PKHD1: variants seen among roughly 807,000 people sequenced by gnomAD.
PKHD1 encodes fibrocystin.
In PKHD1, 291 loss-of-function variants were observed where a neutral mutation model predicts 412.0. The observed-to-expected ratio is 0.71, with a 90% CI of 0.64 to 0.78. PKHD1 has a LOEUF of 0.78. PKHD1 is among the 30% of genes least tolerant of loss of function. PKHD1 has a pLI of 0.00. For missense variants in PKHD1, 4,825 were observed against 4,950.7 expected (o/e 0.97, Z 0.76); for synonymous variants, 1,777 against 1,821.5 (o/e 0.98, Z 0.62).
chr6:51,897,088 T>C (rs1009951499), intron 43 of PKHD1, among the ~76,000 whole-genome samples: 2 of 151,952 alleles, frequency 1.3e-5, no homozygotes, highest in Non-Finnish European at 2.9e-5. Context: ...GAAAACACTC[T>C]GCAGGATATT....
At chr6:51,888,306 A>C (rs922698291) in intron 43 of PKHD1, among the ~76,000 whole-genome samples, 2 of 152,192 alleles carry the variant, frequency 1.3e-5, no homozygotes, top group Admixed American at 6.5e-5. Context: ...GGACCATATG[A>C]GTTTGGGGAT....
At chr6:52,065,162 T>C (rs190167278) in intron 12 of PKHD1, 112 bp from the exon 13 acceptor site, 1 of 65,564 alleles carries the variant, frequency 1.5e-5, no homozygotes. Flanking sequence ...TATATATATA[T>C]ATATATAGAG....
chr6:51,665,696 T>C (rs1264694701), intron 60 of PKHD1, among the ~76,000 whole-genome samples: 2 of 152,150 alleles, frequency 1.3e-5, no homozygotes, highest in Admixed American at 6.6e-5. Flanking sequence ...TCTCTTAAAA[T>C]GTACATTTCA....
intron 57 of PKHD1, among the ~76,000 whole-genome samples, chr6:51,751,398 A>T (rs1304930013): frequency 1.3e-5 from 2 of 152,170 alleles, no homozygotes; most frequent in Non-Finnish European, 2.9e-5. Flanking sequence ...AACAGAAAAA[A>T]ACTGATAAAA....
intron 55 of PKHD1, among the ~76,000 whole-genome samples, chr6:51,763,751 TCCTGCAGCC>T (rs1193728564): frequency 6.6e-6 from 1 of 152,040 alleles, no homozygotes; most frequent in East Asian, 1.9e-4. Context: ...TCTCCATTGC[TCCTGCAGCC>T]CCTGACTACA....
chr6:51,837,663 C>T (rs568649565), intron 50 of PKHD1, among the ~76,000 whole-genome samples: 5 of 152,092 alleles, frequency 3.3e-5, no homozygotes, highest in African/African-American at 7.2e-5. Flanking sequence ...GCCAAGATCA[C>T]GCCACTGCAC....
intron 52 of PKHD1, among the ~76,000 whole-genome samples, chr6:51,807,782 C>T (rs962067494): frequency 3.3e-5 from 5 of 151,982 alleles, no homozygotes; most frequent in African/African-American, 1.2e-4. Flanking sequence ...TTCTATATTA[C>T]AACATGGATG....
chr6:51,832,241 G>A (rs1032055414), intron 51 of PKHD1, among the ~76,000 whole-genome samples: 4 of 152,096 alleles, frequency 2.6e-5, no homozygotes, highest in Non-Finnish European at 5.9e-5. Flanking sequence ...GATTTTGCCA[G>A]GAGAAGCTTC....
chr6:51,992,152 T>C (rs1161856319), intron 35 of PKHD1, among the ~76,000 whole-genome samples: 1 of 152,194 alleles, frequency 6.6e-6, no homozygotes, highest in African/African-American at 2.4e-5. Context: ...ATTCTGAGGA[T>C]TAAATGGGCA....
chr6:51,701,056 C>G (rs1779349675), intron 60 of PKHD1, among the ~76,000 whole-genome samples: 1 of 152,070 alleles, frequency 6.6e-6, no homozygotes, highest in Non-Finnish European at 1.5e-5. Context: ...AAAATGTACT[C>G]TTTAACAACT....
At chr6:51,622,520 C>T (rs1766753226) in intron 66 of PKHD1, 1 of 152,196 alleles carries the variant, frequency 6.6e-6, no homozygotes, top group Non-Finnish European at 1.5e-5. Context: ...GGCAATAGTC[C>T]TGCCCACATA....
At chr6:51,976,636 C>T (rs1016992845) in intron 35 of PKHD1, among the ~76,000 whole-genome samples, 7 of 152,090 alleles carry the variant, frequency 4.6e-5, no homozygotes, top group African/African-American at 1.4e-4. Flanking sequence ...TTTTATGTTG[C>T]GCATATTTTA....
intron 55 of PKHD1, among the ~76,000 whole-genome samples, chr6:51,766,649 A>G (rs1433683705): frequency 7.0e-6 from 1 of 141,914 alleles, no homozygotes; most frequent in Non-Finnish European, 1.6e-5. Context: ...TATAAAAAAT[A>G]TTAGTCCTTC....
In PKHD1 at chr6:51,786,569, C is replaced by G. The variant is rs143857076; in HGVS notation, c.8440+4667G>C. Among the ~76,000 whole-genome samples the G allele has an allele frequency of 5.3e-5, 8 of 152,296 alleles. No individual in the cohort carries two copies. In the East Asian group the frequency reaches 1.5e-3, roughly 29 times the overall value. ...CTTCATCTACTACCACCATTTCATA[C>G]AAAGCCTACAATCCAGACATACCCA... On this transcript the variant is annotated intron_variant, in intron 53 of 66. Coordinates refer to ENST00000371117, the MANE Select transcript of PKHD1 (RefSeq NM_138694.4).
At chr6:51,989,655 A>T (rs578221755) in intron 35 of PKHD1, among the ~76,000 whole-genome samples, 17 of 152,056 alleles carry the variant, frequency 1.1e-4, no homozygotes, top group African/African-American at 4.1e-4. Flanking sequence ...TCGAGTCATC[A>T]TTATCCTACA....
intron 27 of PKHD1, among the ~76,000 whole-genome samples, chr6:52,041,849 G>GA (rs1297036303): frequency 2.0e-5 from 3 of 152,174 alleles, no homozygotes; most frequent in African/African-American, 2.4e-5. Flanking sequence ...AACTGGGAAA[G>GA]TTGGCCAACC....
intron 52 of PKHD1, among the ~76,000 whole-genome samples, chr6:51,809,756 T>G (rs1764401841): frequency 6.6e-6 from 1 of 152,090 alleles, no homozygotes; most frequent in Non-Finnish European, 1.5e-5. Context: ...AAGTGGAATT[T>G]ATTGTCTATT....
chr6:51,907,044 G>A (rs1270110328), intron 40 of PKHD1, among the ~76,000 whole-genome samples: 1 of 152,120 alleles, frequency 6.6e-6, no homozygotes, highest in Non-Finnish European at 1.5e-5. Context: ...TTCAGGAATT[G>A]TGCATTGCAT....
chr6:51,810,861 C>T (rs1448934578), intron 52 of PKHD1, among the ~76,000 whole-genome samples: 1 of 152,118 alleles, frequency 6.6e-6, no homozygotes, highest in African/African-American at 2.4e-5. Context: ...AAAGTACAAT[C>T]TTGGGGAAAC....
Sources: gnomAD v4.1 joint callset for allele counts (sites outside exome capture counted in the v4.1 genomes callset) on GRCh38, gnomAD v4.1.1 for gene constraint, MANE v1.5 for transcripts, NCBI Gene and HGNC (gene_info 2026-07-23, HGNC 2026-07-21) for gene names.